KDM4F: variants seen among roughly 807,000 people sequenced by gnomAD.
KDM4F encodes probable lysine-specific demethylase 4F.
For synonymous variants in KDM4F, 223 were observed against 184.4 expected, an observed-to-expected ratio of 1.21 and a Z score of -1.70; for missense variants, 586 against 496.4, an observed-to-expected ratio of 1.18 and a Z score of -1.71.
At chr11:95,050,160 T>G in exon 1 of KDM4F, 1 of 1,546,584 alleles carries the variant, frequency 6.5e-7, no homozygotes, top group Non-Finnish European at 8.9e-7. Context: ...GGCCCTCATC[T>G]CGCCTACAGT....
At chr11:95,050,763 G>T in exon 1 of KDM4F, 1 of 651,536 alleles carries the variant, frequency 1.5e-6, no homozygotes, top group Non-Finnish European at 2.8e-6. Context: ...TCGAGAACTG[G>T]GGACTGAGGA....
chr11:95,050,140 G>A (rs1858496810), exon 1 of KDM4F: 16 of 1,550,254 alleles, frequency 1.0e-5, no homozygotes, highest in African/African-American at 1.4e-5. Context: ...GGCTTCCTGC[G>A]GCACAAGGTG....
At chr11:95,050,858 C>A in exon 1 of KDM4F, 1 of 537,502 alleles carries the variant, frequency 1.9e-6, no homozygotes, top group Non-Finnish European at 3.3e-6. Flanking sequence ...AGCTCCAGTT[C>A]GCCGATGAAG....
At chr11:95,049,594 A>G in exon 1 of KDM4F, 6 of 1,599,190 alleles carry the variant, frequency 3.8e-6, no homozygotes, top group Non-Finnish European at 5.1e-6. Flanking sequence ...AAAGCCAGAC[A>G]GATGTATGAT....
At chr11:95,049,763 T>G in exon 1 of KDM4F, 1 of 1,604,414 alleles carries the variant, frequency 6.2e-7, no homozygotes, top group Non-Finnish European at 8.5e-7. Context: ...CACACCAGAA[T>G]TTTGCAGATT....
exon 1 of KDM4F, chr11:95,050,534 G>A: frequency 1.0e-5 from 7 of 700,442 alleles, no homozygotes; most frequent in Non-Finnish European, 1.6e-5. Context: ...CTCTGGGCCT[G>A]AGGCATCTCC....
chr11:95,049,552 G>C lies in KDM4F; in HGVS notation c.131G>C (p.Gly44Ala). 2.5e-6 allele frequency: 4 copies of C among 1,596,394 alleles called. No homozygotes were observed. The Admixed American group carries it at 5.0e-5, about 20-fold the overall frequency. The stretch of plus-strand genomic sequence containing the variant: ...GAGTCCCAAGGCGCACACCGAGCTG[G>C]CCTCGCCAAGGTAATTCCACCCAAG... The change falls in exon 1 of 1, where the codon GGC becomes GCC. Residue 44 changes from glycine (G) to alanine (A), a missense_variant. Gly to Ala is a moderately conservative substitution (Grantham distance 60). Transcript: ENST00000545950.
exon 1 of KDM4F, chr11:95,049,436 C>T: frequency 2.1e-6 from 3 of 1,433,620 alleles, no homozygotes; most frequent in Non-Finnish European, 2.8e-6. Context: ...AGTCTGTGCA[C>T]TCCAGTCCCC....
At chr11:95,051,052 C>T (rs1369316474) in exon 1 of KDM4F, 1 of 419,944 alleles carries the variant, frequency 2.4e-6, no homozygotes, top group Non-Finnish European at 4.2e-6. Flanking sequence ...CTTGTTGTCC[C>T]TATGACTCCT....
At chr11:95,050,328 G>T (rs1555105391) in exon 1 of KDM4F, 4 of 1,292,602 alleles carry the variant, frequency 3.1e-6, no homozygotes, top group African/African-American at 1.5e-5. Context: ...TTATGGTAAA[G>T]TGGCTTCACA....
exon 1 of KDM4F, chr11:95,050,017 A>C: frequency 6.2e-7 from 1 of 1,613,994 alleles, no homozygotes; most frequent in Non-Finnish European, 8.5e-7. Context: ...TACAGCATCA[A>C]CTACCTGCAC....
chr11:95,050,965 CCCCACTGGATCCTGATGAACCCA>C, the KDM4F span: 1 of 477,828 alleles, frequency 2.1e-6, no homozygotes, highest in East Asian at 3.3e-5. Flanking sequence ...CCCCTGGGGC[CCCCACTGGATCCTGATGAACCCA>C]TGCACCCTGG....
At position 95,049,610 on chromosome 11, in the gene KDM4F, T is replaced by C. The variant is rs28626463; in HGVS notation, c.189T>C (p.Ile63=). The C allele has an allele frequency of 1.4e-3, 2,291 of 1,598,422 alleles. 16 individuals are homozygous for C. In the African/African-American group the frequency reaches 0.019, roughly 13 times the overall value. The change falls in exon 1 of 1, where the codon ATT becomes ATC. Residue 63 remains isoleucine (I), a synonymous_variant. Coordinates refer to ENST00000545950, the Ensembl canonical transcript of KDM4F. The stretch of plus-strand genomic sequence containing the variant: ...AAGCCAGACAGATGTATGATGATAT[T>C]GAAGACATCTTAATAGCCACTCCCC...
exon 1 of KDM4F, chr11:95,050,394 C>T: frequency 7.7e-6 from 7 of 909,690 alleles, no homozygotes; most frequent in Non-Finnish European, 1.3e-5. Flanking sequence ...CGTGCGCATC[C>T]TGCAACCCGA....
exon 1 of KDM4F, chr11:95,050,357 G>A (rs1202374504): frequency 3.6e-6 from 4 of 1,103,284 alleles, no homozygotes; most frequent in Admixed American, 3.4e-5. Flanking sequence ...GTGGCGAGGC[G>A]AGAGTGACCT....
exon 1 of KDM4F, chr11:95,050,859 G>A (rs782097658): frequency 1.3e-5 from 7 of 539,354 alleles, no homozygotes; most frequent in Non-Finnish European, 2.0e-5. Flanking sequence ...GCTCCAGTTC[G>A]CCGATGAAGC....
chr11:95,050,202 A>G, exon 1 of KDM4F: 1 of 1,556,944 alleles, frequency 6.4e-7, no homozygotes, highest in Non-Finnish European at 8.9e-7. Flanking sequence ...CTTCAATCGC[A>G]TGACTCAGGA....
exon 1 of KDM4F, chr11:95,049,802 C>T (rs1311137229): frequency 5.0e-6 from 8 of 1,593,418 alleles, no homozygotes; most frequent in East Asian, 4.5e-5. Flanking sequence ...AGAGCCACCC[C>T]GGTAATCCAC....
exon 1 of KDM4F, chr11:95,050,507 A>T: frequency 2.8e-6 from 2 of 711,970 alleles, no homozygotes; most frequent in Non-Finnish European, 5.1e-6. Flanking sequence ...GGGAGGACAT[A>T]GCACTTAGGA....
Sources: allele counts gnomAD v4.1 joint callset, GRCh38; gene constraint gnomAD v4.1.1; transcripts MANE v1.5; gene names NCBI Gene and HGNC (gene_info 2026-07-23, HGNC 2026-07-21).